The following JPH1 variants were observed in gnomAD, a reference collection of about 807,000 sequenced individuals.
The protein encoded by JPH1 is junctophilin 1, also known as junctophilin-1.
JPH1 carries 12 observed loss-of-function variants against 53.6 expected under a neutral mutation model. The ratio of observed to expected loss-of-function variants is 0.22; its 90% CI spans 0.14 to 0.36. The LOEUF is 0.36. Among genes scored for constraint, JPH1 ranks in the 10% least tolerant of loss-of-function variants. JPH1 has a pLI of 1.00. For synonymous variants in JPH1, 375 were observed against 363.8 expected, an observed-to-expected ratio of 1.03 and a Z score of -0.35; for missense variants, 808 against 905.5, an observed-to-expected ratio of 0.89 and a Z score of 1.38.
chr8:74,260,280 C>T (rs575231204), intron 2 of JPH1, among the ~76,000 whole-genome samples: 1 of 152,264 alleles, frequency 6.6e-6, no homozygotes, highest in African/African-American at 2.4e-5. Flanking sequence ...TGTCCTCACT[C>T]ATGGAAACCT....
Position 74,244,934 on chromosome 8 carries a change from A to C in JPH1, c.1500T>G (p.Ser500Arg), listed in dbSNP as rs767801212. 1.2e-6 allele frequency: 2 copies of C among 1,612,544 alleles called. No homozygotes were observed. Residue 500 changes from serine to arginine, a missense_variant, in exon 4 of 6, where the codon AGT (serine) becomes AGG (arginine). Ser to Arg is a moderately radical substitution (Grantham distance 110). Transcript: ENST00000342232. Reference sequence around the variant, plus strand: ...TGGCCGTCACCTGCTCATCAGCCACACTCCTTTTGTCTTGGTTGAGTCTCG... The same window carrying C: ...TGGCCGTCACCTGCTCATCAGCCACCCTCCTTTTGTCTTGGTTGAGTCTCG... ...SGARLNQDKR[S>R]VADEQVTAIV...
At chr8:74,274,831 AG>A (rs1268463079) in intron 2 of JPH1, among the ~76,000 whole-genome samples, 1 of 152,194 alleles carries the variant, frequency 6.6e-6, no homozygotes, top group African/African-American at 2.4e-5. Flanking sequence ...TTTTGCCTAA[AG>A]ACCTAACACA....
At chr8:74,318,072 A>C (rs913042303) in intron 1 of JPH1, among the ~76,000 whole-genome samples, 1 of 152,194 alleles carries the variant, frequency 6.6e-6, no homozygotes, top group Non-Finnish European at 1.5e-5. Flanking sequence ...AGTTCATCTG[A>C]AATTTAAAAT....
intron 3 of JPH1, among the ~76,000 whole-genome samples, chr8:74,250,337 T>C (rs1411591459): frequency 6.6e-6 from 1 of 152,206 alleles, no homozygotes; most frequent in Non-Finnish European, 1.5e-5. Flanking sequence ...TTCACCATGT[T>C]GGTCAGGCTG....
intron 2 of JPH1, among the ~76,000 whole-genome samples, chr8:74,283,757 T>C (rs1296307090): frequency 6.6e-6 from 1 of 152,212 alleles, no homozygotes; most frequent in Non-Finnish European, 1.5e-5. Context: ...GAAGCCCAGA[T>C]TGCAGCTTGA....
chr8:74,258,237 C>A (rs893662254), intron 3 of JPH1, among the ~76,000 whole-genome samples: 2 of 152,104 alleles, frequency 1.3e-5, no homozygotes, highest in Admixed American at 1.3e-4. Flanking sequence ...AAATCCTTTA[C>A]CAAGAAATGT....
chr8:74,295,676 G>A (rs891173162), intron 2 of JPH1, among the ~76,000 whole-genome samples: 1 of 152,134 alleles, frequency 6.6e-6, no homozygotes, highest in African/African-American at 2.4e-5. Flanking sequence ...TAAGGTCCCA[G>A]AGTCTTTCTG....
chr8:74,245,997 A>G (rs16938831), intron 3 of JPH1, among the ~76,000 whole-genome samples: 8,867 of 151,780 alleles, frequency 0.058, 819 homozygotes, highest in African/African-American at 0.2. Context: ...TGTGCCACAA[A>G]ATGTCCAGGC....
chr8:74,320,988 C>T lies in JPH1; in HGVS notation c.300G>A (p.Leu100=). ...FKGRYGVRQS[L]CTPARYEGTW... ...TACCCTCGTAGCGAGCGGGGGTGCACAGGCTCTGCCGGACCCCGTAGCGCC... is the reference window on the plus strand; with the variant it reads ...TACCCTCGTAGCGAGCGGGGGTGCATAGGCTCTGCCGGACCCCGTAGCGCC... The change falls in exon 1 of 6, where the codon CTG becomes CTA. Residue 100 remains leucine, a synonymous_variant. Transcript: ENST00000342232. This position sits in a 1 kb window ranked among gnomAD's most constrained non-coding sequence, Gnocchi z 4.4. 1 of 1,612,356 alleles carries T rather than the reference C, an allele frequency of 6.2e-7. No homozygotes were observed. Among genetic ancestry groups the T allele is most frequent in the East Asian group, 2.2e-5 (1 of 44,724 alleles).
In JPH1 at chr8:74,320,970, G is replaced by A; in HGVS notation, c.318C>T (p.Tyr106=). The change falls in exon 1 of 6, where the codon TAC becomes TAT. Residue 106 remains tyrosine (Y), a synonymous_variant. Coordinates refer to ENST00000342232, the MANE Select transcript of JPH1 (RefSeq NM_020647.4). The surrounding 1 kb of genome is among the most constrained non-coding windows in gnomAD (Gnocchi z 4.4). The part of the protein sequence containing the change: ...VRQSLCTPAR[Y]EGTWSNGLQD... Reference sequence around the variant, plus strand: ...GCAGCCCGTTACTCCAGGTACCCTCGTAGCGAGCGGGGGTGCACAGGCTCT... The same window carrying A: ...GCAGCCCGTTACTCCAGGTACCCTCATAGCGAGCGGGGGTGCACAGGCTCT... 2 of 1,609,948 alleles carry A rather than the reference G, an allele frequency of 1.2e-6. No homozygotes were observed. Among genetic ancestry groups the A allele is most frequent in the East Asian group, 2.2e-5 (1 of 44,540 alleles).
At chr8:74,313,079 G>T (rs1808042282) in intron 2 of JPH1, among the ~76,000 whole-genome samples, 1 of 152,098 alleles carries the variant, frequency 6.6e-6, no homozygotes, top group African/African-American at 2.4e-5. Flanking sequence ...CTCCTCCAAT[G>T]GAAACTAATG....
intron 3 of JPH1, among the ~76,000 whole-genome samples, chr8:74,245,972 T>C (rs1255687231): frequency 1.3e-5 from 2 of 148,340 alleles, no homozygotes; most frequent in African/African-American, 2.5e-5. Flanking sequence ...GAGTGAGCTA[T>C]AAAGAAACAG....
rs1808273214 is a variant in JPH1, at chr8:74,320,164, C to T, written c.379+745G>A. Among the ~76,000 whole-genome samples, 1 of 152,168 alleles carries T rather than the reference C, an allele frequency of 6.6e-6. No homozygotes were observed. The highest frequency in any genetic ancestry group is 6.5e-5 in the Admixed American group (1 of 15,278). On this transcript the variant is annotated intron_variant, in intron 1 of 5. Transcript: ENST00000342232. The surrounding 1 kb of genome is among the most constrained non-coding windows in gnomAD (Gnocchi z 4.4). ...AAAATGTAGACTTCATTACCCATTT[C>T]TAAAATATCTTCCTAGTAATTTGTC...
intron 2 of JPH1, among the ~76,000 whole-genome samples, chr8:74,308,885 G>A (rs1807910071): frequency 6.6e-6 from 1 of 152,228 alleles, no homozygotes. Flanking sequence ...GAACCACTCT[G>A]AGTATGGGGG....
At chr8:74,285,525 CT>C (rs1174154445) in intron 2 of JPH1, among the ~76,000 whole-genome samples, 1 of 152,014 alleles carries the variant, frequency 6.6e-6, no homozygotes, top group African/African-American at 2.4e-5. Context: ...ATCTTGAAAG[CT>C]TTAAAAATCA....
rs147140888 is a variant in JPH1, at chr8:74,302,874, A to G, written c.1139+11987T>C. ...AGTGCCATATTTGGACAGAGCTGGC[A>G]CTAAATAAATGTTTGCCAAATGATG... is the stretch of plus-strand genomic sequence containing the variant. On this transcript the variant is annotated intron_variant, in intron 2 of 5. Transcript: ENST00000342232. Among the ~76,000 whole-genome samples the G allele has an allele frequency of 4.3e-3, 654 of 152,024 alleles. 2 individuals carry two copies. Among genetic ancestry groups the G allele is most frequent in the Non-Finnish European group, 7.4e-3 (502 of 68,004 alleles).
Position 74,320,566 on chromosome 8 carries a change from C to G in JPH1, c.379+343G>C, listed in dbSNP as rs545928017. Among the ~76,000 whole-genome samples the G allele has an allele frequency of 9.9e-5, 15 of 152,252 alleles. No individual in the cohort carries two copies. The highest frequency in any genetic ancestry group is 2.1e-4 in the Non-Finnish European group (14 of 67,998). ...GATCAGGAACGTAATGTGACGGGCT[C>G]AAGTGACAGCGTCCTCTCTCCAGCC... On this transcript the variant is annotated intron_variant, in intron 1 of 5. Transcript: ENST00000342232. This position sits in a 1 kb window ranked among gnomAD's most constrained non-coding sequence, Gnocchi z 4.4.
intron 3 of JPH1, among the ~76,000 whole-genome samples, chr8:74,251,614 GTTA>G (rs934352450): frequency 7.9e-5 from 12 of 152,124 alleles, no homozygotes; most frequent in South Asian, 2.1e-4. Context: ...AATGACAAAA[GTTA>G]TTATTTTATT....
At chr8:74,306,842 C>T (rs954787848) in intron 2 of JPH1, among the ~76,000 whole-genome samples, 1 of 152,112 alleles carries the variant, frequency 6.6e-6, no homozygotes, top group African/African-American at 2.4e-5. Flanking sequence ...AGGGATCCGC[C>T]CGCCTCGGCC....
Sources: gnomAD v4.1 joint callset for allele counts (sites outside exome capture counted in the v4.1 genomes callset) on GRCh38, gnomAD v4.1.1 for gene constraint, Gnocchi (gnomAD v3.1) non-coding constraint, MANE v1.5 for transcripts, NCBI Gene and HGNC (gene_info 2026-07-23, HGNC 2026-07-21) for gene names.